The following UNC13B variants were observed in gnomAD, a reference collection of about 807,000 sequenced individuals.
The protein encoded by UNC13B is protein unc-13 homolog B.
A neutral mutation model predicts 211.0 loss-of-function variants in UNC13B; 144 were observed. The observed-to-expected ratio is 0.68, with a 90% CI of 0.60 to 0.78. The LOEUF (loss-of-function observed/expected upper bound fraction) is 0.78. UNC13B is among the 30% of genes least tolerant of loss of function. UNC13B has a pLI of 0.00. For synonymous variants in UNC13B, 709 were observed against 725.8 expected (o/e 0.98, Z 0.37); for missense variants, 1,777 against 2,002.0 (o/e 0.89, Z 2.14).
chr9:35,199,151 G>A (rs1823118152), intron 1 of UNC13B, among the ~76,000 whole-genome samples: 1 of 152,080 alleles, frequency 6.6e-6, no homozygotes, highest in South Asian at 2.1e-4. Flanking sequence ...CTTCATTCAT[G>A]TCCCTACAAA....
chr9:35,307,650 C>T lies in UNC13B; in HGVS notation c.8246C>T (p.Pro2749Leu), dbSNP rs937058908. The T allele has an allele frequency of 4.5e-5, 18 of 398,974 alleles. No homozygotes were observed. The highest frequency in any genetic ancestry group is 1.6e-4 in the African/African-American group (8 of 48,610). The allele number at this position is 398,974 out of a possible 1,614,324, so 24.7% of individuals were successfully genotyped here. A position where few individuals can be genotyped will look rare whatever the true frequency, so the allele number is the denominator to read the frequency against. The change falls in exon 9 of 40, where the codon CCA (proline) becomes CTA (leucine). Residue 2749 changes from proline to leucine, a missense_variant. By Grantham distance (98) the Pro-to-Leu change is moderately conservative. Transcript: ENST00000635942. ...SCEIIHAQKD[P>L]PVVPQETEQS... Reference sequence around the variant, plus strand: ...GAGATAATTCATGCCCAGAAAGATCCACCTGTAGTACCCCAGGAAACAGAG... The same window carrying T: ...GAGATAATTCATGCCCAGAAAGATCTACCTGTAGTACCCCAGGAAACAGAG...
Position 35,297,150 on chromosome 9 carries a change from G to A in UNC13B, c.761+1220G>A, listed in dbSNP as rs545200267. ...GTCTCCCAGGCTGGAGTGCAGTGGC[G>A]TGATCTCGGCTCACTACAACCTCAG... On this transcript the variant is annotated intron_variant, in intron 8 of 39. Transcript: ENST00000635942. Among the ~76,000 whole-genome samples the A allele has an allele frequency of 1.0e-4, 15 of 149,428 alleles. No homozygotes were observed. In the South Asian group the frequency reaches 3.2e-3, roughly 32 times the overall value.
At chr9:35,257,361 AAATATTTATAAAATATTTATAT>A (rs1826963998) in intron 6 of UNC13B, among the ~76,000 whole-genome samples, 3 of 2,956 alleles carry the variant, frequency 1.0e-3, no homozygotes, top group Admixed American at 5.4e-3. Flanking sequence ...ATATTTATAT[AAATATTTATAAAATATTTATAT>A]AAATATTTAT....
intron 11 of UNC13B, among the ~76,000 whole-genome samples, chr9:35,357,818 T>G (rs918009249): frequency 1.3e-5 from 2 of 152,240 alleles, no homozygotes; most frequent in Non-Finnish European, 2.9e-5. Flanking sequence ...GTGGAACATT[T>G]TAACCATTTA....
At chr9:35,167,614 G>C (rs10972363) in intron 1 of UNC13B, among the ~76,000 whole-genome samples, 26,118 of 134,914 alleles carry the variant, frequency 0.19, 3,065 homozygotes, top group Non-Finnish European at 0.26. Flanking sequence ...TTGAGATGGA[G>C]TCTCACACTG....
chr9:35,339,319 C>T (rs1831847072), intron 11 of UNC13B, among the ~76,000 whole-genome samples: 1 of 152,190 alleles, frequency 6.6e-6, no homozygotes, highest in Admixed American at 6.5e-5. Context: ...CTCTAAAAAG[C>T]ACCCCATCCT....
In UNC13B at chr9:35,396,857, G is replaced by T. The variant is rs140663072; in HGVS notation, c.11452G>T (p.Val3818Leu). ...TGGCTGCAGGTGGTTTGAGCAGTTC[G>T]TGCTACAATGGCTGGATGAGAATGA... ...PEYPAWFEQF[V>L]LQWLDENEDV... The change falls in exon 28 of 40, where the codon GTG (valine) becomes TTG (leucine). Residue 3818 changes from valine (V) to leucine (L), a missense_variant. By Grantham distance (32) the Val-to-Leu change is conservative (BLOSUM62 1). Coordinates refer to ENST00000635942, the MANE Select transcript of UNC13B (RefSeq NM_001371189.2). 4.0e-5 allele frequency: 65 copies of T among 1,614,068 alleles called. No homozygotes were observed. Among genetic ancestry groups the T allele is most frequent in the Non-Finnish European group, 5.4e-5 (64 of 1,180,048 alleles).
chr9:35,183,321 A>G (rs7867976), intron 1 of UNC13B, among the ~76,000 whole-genome samples: 80,292 of 83,942 alleles, frequency 0.96, 38,392 homozygotes, highest in East Asian at 0.98. Context: ...CAGGCGGGGC[A>G]GCCGGGCAGA....
rs773381295 is a variant in UNC13B, at chr9:35,403,491, T to C, written c.12629T>C (p.Phe4210Ser). ...CAGACAGCGGGTATGTTCCGGCCTTTCGTGGAGGTGACTATGGTTGGCCCA... is the reference window on the plus strand; with the variant it reads ...CAGACAGCGGGTATGTTCCGGCCTTCCGTGGAGGTGACTATGGTTGGCCCA... ...KWQTAGMFRP[F>S]VEVTMVGPHQ... The change falls in exon 39 of 40, where the codon TTC becomes TCC. Residue 4210 changes from phenylalanine to serine, a missense_variant. By Grantham distance (155) the Phe-to-Ser change is radical. Transcript: ENST00000635942. 4 of 1,614,068 alleles carry C rather than the reference T, an allele frequency of 2.5e-6. No homozygotes were observed. The highest frequency in any genetic ancestry group is 2.5e-6 in the Non-Finnish European group (3 of 1,180,014).
intron 9 of UNC13B, among the ~76,000 whole-genome samples, chr9:35,309,213 G>T (rs1172423373): frequency 7.5e-6 from 1 of 133,068 alleles, no homozygotes; most frequent in South Asian, 2.8e-4. Flanking sequence ...AAAGGGGTTG[G>T]TCAGGGTCAG....
chr9:35,278,205 C>A (rs933795148), intron 7 of UNC13B, among the ~76,000 whole-genome samples: 1 of 152,182 alleles, frequency 6.6e-6, no homozygotes, highest in Middle Eastern at 3.2e-3. Context: ...GTACAGGGCT[C>A]GCCCAGTTTG....
intron 6 of UNC13B, among the ~76,000 whole-genome samples, chr9:35,248,254 T>A: frequency 6.6e-6 from 1 of 152,328 alleles, no homozygotes; most frequent in South Asian, 2.1e-4. Context: ...TTTTCTTCTT[T>A]ATTAGTCTTG....
chr9:35,306,954 C>T lies in UNC13B; in HGVS notation c.7550C>T (p.Pro2517Leu), dbSNP rs988835133. ...GAATTATTTGGAATTTTCAAAAGTC[C>T]CAAGCCAGAGCCATACAAACAAGAA... ...KGELFGIFKS[P>L]KPEPYKQESS... Residue 2517 changes from proline to leucine, a missense_variant, in exon 9 of 40, where the codon CCC becomes CTC. Pro to Leu is a moderately conservative substitution (Grantham distance 98). Transcript: ENST00000635942. The T allele has an allele frequency of 1.5e-5, 6 of 398,840 alleles. No individual in the cohort carries two copies. Among genetic ancestry groups the T allele is most frequent in the African/African-American group, 1.0e-4 (5 of 48,594 alleles). 24.7% of individuals were successfully genotyped at this position (398,840 alleles called of 1,614,324 possible).
chr9:35,255,012 AATATATGT>A (rs1284787380), intron 6 of UNC13B, among the ~76,000 whole-genome samples: 3 of 116,724 alleles, frequency 2.6e-5, no homozygotes, highest in Non-Finnish European at 5.1e-5. Context: ...ATTATATATT[AATATATGT>A]ATATATAATA....
At position 35,172,039 on chromosome 9, in the gene UNC13B, A is replaced by AT. The variant is rs199902879; in HGVS notation, c.22+9743dup. On this transcript the variant is annotated intron_variant, in intron 1 of 39. Transcript: ENST00000635942. The stretch of plus-strand genomic sequence containing the variant: ...CCTTCATTTAAAATTTTATTTATTA[A>AT]TTTTTTTTTGTAGAGATGGGGTCTC... 9.9e-3 allele frequency among the ~76,000 whole-genome samples: 1,492 copies of AT among 150,980 alleles called. 10 individuals are homozygous for AT. The highest frequency in any genetic ancestry group is 0.016 in the Non-Finnish European group (1,058 of 67,582).
At position 35,380,487 on chromosome 9, in the gene UNC13B, C is replaced by T; in HGVS notation, c.10223C>T (p.Ser3408Phe). 3 of 1,614,192 alleles carry T rather than the reference C, an allele frequency of 1.9e-6. No homozygotes were observed. Among genetic ancestry groups the T allele is most frequent in the Non-Finnish European group, 2.5e-6 (3 of 1,180,026 alleles). Residue 3408 changes from serine (S) to phenylalanine (F), a missense_variant, in exon 18 of 40, where the codon TCT becomes TTT. Ser to Phe is a radical substitution (Grantham distance 155). Coordinates refer to ENST00000635942, the MANE Select transcript of UNC13B (RefSeq NM_001371189.2). ...TCTCACAGTGAGTGCCACAACTCCT[C>T]TGACCGCATTAAGGTGCGTGTATGG... Reference protein sequence around the residue: ...EKFHFECHNSSDRIKVRVWDE... With the variant: ...EKFHFECHNSFDRIKVRVWDE...
intron 1 of UNC13B, among the ~76,000 whole-genome samples, chr9:35,196,960 A>T (rs2131360779): frequency 6.6e-6 from 1 of 151,826 alleles, no homozygotes; most frequent in South Asian, 2.1e-4. Flanking sequence ...TTGTAGAGAC[A>T]GGATCTCCCT....
At chr9:35,342,504 G>T (rs1055277323) in intron 11 of UNC13B, among the ~76,000 whole-genome samples, 2 of 152,070 alleles carry the variant, frequency 1.3e-5, no homozygotes, top group East Asian at 1.9e-4. Flanking sequence ...AGCATATGCC[G>T]CACTGGGGTA....
intron 17 of UNC13B, 64 bp from the exon 18 acceptor site, chr9:35,380,406 G>A (rs1834743894): frequency 2.6e-6 from 4 of 1,556,700 alleles, no homozygotes; most frequent in Middle Eastern, 2.0e-4. Context: ...GGAGGGAATA[G>A]GAAGTAACAG....
Sources: gnomAD v4.1 joint callset for allele counts (sites outside exome capture counted in the v4.1 genomes callset) on GRCh38, gnomAD v4.1.1 for gene constraint, MANE v1.5 for transcripts, NCBI Gene and HGNC (gene_info 2026-07-23, HGNC 2026-07-21) for gene names.